NELFA: variants seen among roughly 807,000 people sequenced by gnomAD.
NELFA encodes the protein negative elongation factor A.
Under a neutral mutation model 51.8 loss-of-function variants are expected in NELFA, and 35 were observed. The observed-to-expected ratio is 0.68, with a 90% CI of 0.52 to 0.90. The LOEUF (loss-of-function observed/expected upper bound fraction) is 0.90. Ranked by LOEUF, NELFA falls within the 40% of genes least tolerant of loss-of-function variation. The pLI is 0.00. For synonymous variants in NELFA, 417 were observed against 338.4 expected (o/e 1.23, Z -2.55); for missense variants, 658 against 746.4 (o/e 0.88, Z 1.38).
intron 1 of NELFA, among the ~76,000 whole-genome samples, chr4:2,005,816 G>A (rs757852638): frequency 8.5e-5 from 13 of 152,254 alleles, no homozygotes; most frequent in South Asian, 2.1e-4. Flanking sequence ...TATGAAATAG[G>A]TGGTAATATA....
In NELFA at chr4:1,991,662, G is replaced by A; in HGVS notation, c.264C>T (p.Pro88=). Residue 88 remains proline (P), a synonymous_variant, in exon 2 of 11, where the codon CCC becomes CCT. Transcript: ENST00000382882. The part of the protein sequence containing the change: ...IIQLASLDSD[P]WVLMVADILK... ...AGATGTCGGCGACCATGAGCACCCA[G>A]GGGTCCGAGTCGAGGCTGGCGAGCT... 2 of 1,613,740 alleles carry A rather than the reference G, an allele frequency of 1.2e-6. No individual in the cohort carries two copies. The highest frequency in any genetic ancestry group is 1.7e-6 in the Non-Finnish European group (2 of 1,179,918).
intron 1 of NELFA, among the ~76,000 whole-genome samples, chr4:1,992,785 G>A (rs116632411): frequency 1.4e-3 from 218 of 152,300 alleles, no homozygotes; most frequent in African/African-American, 5.1e-3. Context: ...AAGTTGGCTC[G>A]AAGGGCAGAG....
chr4:2,008,651 G>A (rs1728779543), intron 1 of NELFA, 99 bp downstream of exon 1: 18 of 1,420,258 alleles, frequency 1.3e-5, no homozygotes, highest in South Asian at 2.7e-5. Context: ...GGGATGGGAA[G>A]GTTGGGGGAG....
Position 1,987,634 on chromosome 4 carries a change from A to G in NELFA, c.634+284T>C, listed in dbSNP as rs57433293. ...CTCAGATCCCGGCCTTCCTGTCTCC[A>G]TGCCCAGCGGTGTCCTCAGATCCCG... On this transcript the variant is annotated intron_variant, in intron 4 of 10. Coordinates refer to ENST00000382882, the MANE Select transcript of NELFA (RefSeq NM_005663.5). 1.6e-3 allele frequency: 699 copies of G among 431,316 alleles called. 4 individuals carry two copies. The highest frequency in any genetic ancestry group is 0.014 in the African/African-American group (622 of 42,974). 26.7% of individuals were successfully genotyped at this position (431,316 alleles called of 1,614,324 possible).
At chr4:1,990,038 C>A (rs1728226438) in intron 2 of NELFA, 169 bp from the exon 3 acceptor site, 1 of 685,898 alleles carries the variant, frequency 1.5e-6, no homozygotes. Flanking sequence ...TCCAGCAGAA[C>A]ACCCAGGAGC....
intron 3 of NELFA, among the ~76,000 whole-genome samples, chr4:1,988,395 C>G (rs546720845): frequency 6.6e-6 from 1 of 152,390 alleles, no homozygotes; most frequent in African/African-American, 2.4e-5. Context: ...GAGGAAGAAA[C>G]AAACGAAGAG....
rs761413486 is a variant in NELFA, at chr4:1,987,952, C to T, written c.600G>A (p.Lys200=). 6.2e-7 allele frequency: 1 copy of T among 1,611,152 alleles called. No homozygotes were observed. Among genetic ancestry groups the T allele is most frequent in the Non-Finnish European group, 8.5e-7 (1 of 1,179,574 alleles). Residue 200 remains lysine, a synonymous_variant, in exon 4 of 11, where the codon AAG becomes AAA. Coordinates refer to ENST00000382882, the MANE Select transcript of NELFA (RefSeq NM_005663.5). ...CCATCTTCCGCAGCAGCCCCCGGCC[C>T]TTGGCGTGGAAGGGCACCCCGGCGC... ...KRSAGVPFHA[K]GRGLLRKMDT... is the part of the protein sequence containing the mutation.
At chr4:1,992,499 C>T (rs755781440) in intron 1 of NELFA, 4 of 429,578 alleles carry the variant, frequency 9.3e-6, no homozygotes, top group South Asian at 6.5e-5. Context: ...CGTGCCTGTG[C>T]CTCTGCCATG....
chr4:1,989,832 C>T lies in NELFA; in HGVS notation c.420G>A (p.Glu140=). ...ECEASAMLPL[E]CQYLNKNALT... is the part of the protein sequence containing the mutation. ...GGGCGTTTTTGTTCAAGTACTGGCA[C>T]TCCAGTGGCAGCATGGCAGACGCTT... The change falls in exon 3 of 11, where the codon GAG becomes GAA. Residue 140 remains glutamate (E), a synonymous_variant. Coordinates refer to ENST00000382882, the MANE Select transcript of NELFA (RefSeq NM_005663.5). This position sits in a 1 kb window ranked among gnomAD's most constrained non-coding sequence, Gnocchi z 4.8. 1 of 1,614,154 alleles carries T rather than the reference C, an allele frequency of 6.2e-7. No homozygotes were observed. Among genetic ancestry groups the T allele is most frequent in the Non-Finnish European group, 8.5e-7 (1 of 1,180,018 alleles).
At position 1,985,839 on chromosome 4, in the gene NELFA, G is replaced by C; in HGVS notation, c.861C>G (p.Ala287=). 6.2e-7 allele frequency: 1 copy of C among 1,613,262 alleles called. No individual in the cohort carries two copies. Among genetic ancestry groups the C allele is most frequent in the Admixed American group, 1.7e-5 (1 of 59,964 alleles). Residue 287 remains alanine (A), a synonymous_variant, in exon 7 of 11, where the codon GCC becomes GCG. Coordinates refer to ENST00000382882, the MANE Select transcript of NELFA (RefSeq NM_005663.5). ...TLDAEVVEKP[A]KEETVVENAT... The stretch of plus-strand genomic sequence containing the variant: ...CGTTCTCCACCACCGTTTCCTCCTT[G>C]GCCGGCTTCTCCACCACCTCCGCAT...
At chr4:2,007,187 A>C (rs1446939014) in intron 1 of NELFA, 1 of 399,822 alleles carries the variant, frequency 2.5e-6, no homozygotes, top group Non-Finnish European at 5.1e-6. Context: ...AGCCTGGTTG[A>C]CAGCGCCAGA....
At position 1,989,793 on chromosome 4, in the gene NELFA, C is replaced by T. The variant is rs374608721; in HGVS notation, c.459G>A (p.Ala153=). ...GCTTCACCGGGGGAGTGAGGGGTCCCGCGAGGGTCGTCAGGGCGTTTTTGT... is the reference window on the plus strand; with the variant it reads ...GCTTCACCGGGGGAGTGAGGGGTCCTGCGAGGGTCGTCAGGGCGTTTTTGT... ...YLNKNALTTL[A]GPLTPPVKHF... Residue 153 remains alanine, a synonymous_variant, in exon 3 of 11, where the codon GCG becomes GCA. Coordinates refer to ENST00000382882, the MANE Select transcript of NELFA (RefSeq NM_005663.5). The surrounding 1 kb of genome is among the most constrained non-coding windows in gnomAD (Gnocchi z 4.8). The T allele has an allele frequency of 2.1e-5, 34 of 1,614,044 alleles. No homozygotes were observed. The highest frequency in any genetic ancestry group is 1.6e-4 in the Middle Eastern group (1 of 6,082).
intron 1 of NELFA, among the ~76,000 whole-genome samples, chr4:2,001,908 A>G (rs1163461085): frequency 2.6e-5 from 2 of 78,324 alleles, no homozygotes; most frequent in East Asian, 8.4e-4. Flanking sequence ...GTCTCAAAAG[A>G]AAAAAAAAAA....
chr4:1,999,869 T>G (rs973093971), intron 1 of NELFA, among the ~76,000 whole-genome samples: 10 of 152,130 alleles, frequency 6.6e-5, no homozygotes, highest in Admixed American at 2.6e-4. Flanking sequence ...TACTCTAAAA[T>G]CGACCATGTA....
At chr4:1,991,397 A>G (rs539489495) in intron 2 of NELFA, 147 bp downstream of exon 2, 96 of 766,268 alleles carry the variant, frequency 1.3e-4, no homozygotes, top group Non-Finnish European at 1.8e-4. Context: ...CTTACGGGGG[A>G]GGATGGTGCA....
intron 1 of NELFA, among the ~76,000 whole-genome samples, chr4:1,998,584 T>C (rs968218080): frequency 3.3e-5 from 5 of 151,726 alleles, no homozygotes; most frequent in Non-Finnish European, 7.4e-5. Context: ...AAATAAGACA[T>C]GCAGACAACA....
At chr4:1,984,151 C>T in intron 8 of NELFA, 38 bp from the exon 9 acceptor site, 1 of 1,482,948 alleles carries the variant, frequency 6.7e-7, no homozygotes, top group Non-Finnish European at 8.9e-7. Context: ...GGGCTGGACC[C>T]CCACCCTGTT....
At position 2,008,743 on chromosome 4, in the gene NELFA, G is replaced by A. The variant is rs1728783277; in HGVS notation, c.210+7C>T. On this transcript the variant is annotated splice_region_variant and intron_variant, in intron 1 of 10. Transcript: ENST00000382882. ...CTGGGGGCCGCGGGGCGCCACGCCT[G>A]CCTTACCTCGTCCACCGTGCGGCGC... 1.2e-6 allele frequency: 2 copies of A among 1,603,154 alleles called. No individual in the cohort carries two copies. The highest frequency in any genetic ancestry group is 2.7e-5 in the African/African-American group (2 of 74,824).
At chr4:2,001,764 G>A (rs948472959) in intron 1 of NELFA, among the ~76,000 whole-genome samples, 11 of 152,128 alleles carry the variant, frequency 7.2e-5, no homozygotes, top group Non-Finnish European at 1.0e-4. Context: ...TTAGCCGGGC[G>A]TGGTGGCACA....
Sources: allele counts gnomAD v4.1 joint callset (sites outside exome capture counted in the v4.1 genomes callset), GRCh38; gene constraint gnomAD v4.1.1; non-coding constraint Gnocchi (gnomAD v3.1); transcripts MANE v1.5; gene names NCBI Gene and HGNC (gene_info 2026-07-23, HGNC 2026-07-21).